The following STAU2 variants were observed in gnomAD, a reference collection of about 807,000 sequenced individuals.
STAU2 encodes staufen double-stranded RNA binding protein 2.
Under a neutral mutation model 65.9 loss-of-function variants are expected in STAU2, and 20 were observed. The ratio of observed to expected loss-of-function variants is 0.30; its 90% CI spans 0.21 to 0.44. The LOEUF is 0.44. STAU2 is among the 20% of genes least tolerant of loss of function. STAU2 has a pLI of 1.00. For missense variants in STAU2, 558 were observed against 683.9 expected (o/e 0.82, Z 2.05); for synonymous variants, 232 against 233.9 (o/e 0.99, Z 0.07).
At chr8:73,550,450 A>G in intron 13 of STAU2, 1 of 985,724 alleles carries the variant, frequency 1.0e-6, no homozygotes, top group Non-Finnish European at 1.2e-6. Flanking sequence ...CAAAAAATCA[A>G]TTCAGAGCTT....
chr8:73,647,732 C>A (rs1815499084), intron 6 of STAU2, among the ~76,000 whole-genome samples: 1 of 152,028 alleles, frequency 6.6e-6, no homozygotes, highest in Non-Finnish European at 1.5e-5. Context: ...ACATGTACCA[C>A]CATGTCTGGC....
At chr8:73,623,508 G>A (rs888692094) in intron 6 of STAU2, among the ~76,000 whole-genome samples, 9 of 152,032 alleles carry the variant, frequency 5.9e-5, no homozygotes, top group East Asian at 1.9e-4. Context: ...GCTATCTTCC[G>A]ATCTAATAAG....
intron 6 of STAU2, 178 bp downstream of exon 6, chr8:73,672,929 A>G: frequency 1.9e-6 from 1 of 522,576 alleles, no homozygotes. Flanking sequence ...GTTCCTGAAA[A>G]CTGGGTTTCT....
At chr8:73,502,603 C>T (rs1042637356) in intron 13 of STAU2, among the ~76,000 whole-genome samples, 7 of 152,010 alleles carry the variant, frequency 4.6e-5, no homozygotes, top group Non-Finnish European at 1.0e-4. Context: ...TTACTAAATG[C>T]GTTTTTTCTC....
rs548011106 is a variant in STAU2, at chr8:73,635,779, C to T, written c.411-18328G>A. 1.9e-4 allele frequency among the ~76,000 whole-genome samples: 29 copies of T among 151,480 alleles called. No homozygotes were observed. The Middle Eastern group carries it at 0.01, about 54-fold the overall frequency. ...GGCAGAGGTTGCAGTGAGCCGAGAC[C>T]GCGCCACTGCACTCCAGCTTGGGCA... On this transcript the variant is annotated intron_variant, in intron 6 of 14. Transcript: ENST00000524300.
At chr8:73,655,264 T>C (rs1586204326) in intron 6 of STAU2, among the ~76,000 whole-genome samples, 1 of 152,350 alleles carries the variant, frequency 6.6e-6, no homozygotes, top group East Asian at 1.9e-4. Flanking sequence ...TTACTGTAAA[T>C]ATTTACATTT....
chr8:73,422,779 T>TAGAAGGAC (rs1563580273), intron 13 of STAU2, 77 bp from the exon 14 acceptor site: 3 of 957,590 alleles, frequency 3.1e-6, no homozygotes, highest in Non-Finnish European at 4.3e-6. Context: ...AAAGCTGAGA[T>TAGAAGGAC]AGAAAGACTC....
At chr8:73,593,344 C>A (rs1330565558) in intron 11 of STAU2, among the ~76,000 whole-genome samples, 2 of 152,218 alleles carry the variant, frequency 1.3e-5, no homozygotes, top group Non-Finnish European at 2.9e-5. Flanking sequence ...CGCATAATAA[C>A]AGTGACCTCA....
rs550363511 is a variant in STAU2, at chr8:73,487,046, T to A, written c.1531-64344A>T. 5.3e-5 allele frequency among the ~76,000 whole-genome samples: 8 copies of A among 152,198 alleles called. No homozygotes were observed. In the East Asian group the frequency reaches 1.2e-3, roughly 22 times the overall value. ...AAAACTATATGTAATATTTCAAAAC[T>A]TCCCTTTCTCACTGGCCATTGAACT... On this transcript the variant is annotated intron_variant, in intron 13 of 14. Coordinates refer to ENST00000524300, the MANE Select transcript of STAU2 (RefSeq NM_001164380.2).
chr8:73,694,014 A>T (rs1383802390), intron 4 of STAU2, among the ~76,000 whole-genome samples: 1 of 152,264 alleles, frequency 6.6e-6, no homozygotes. Flanking sequence ...TGAGAAAAAC[A>T]TATACTGACA....
At chr8:73,679,270 A>T (rs1409401719) in intron 5 of STAU2, among the ~76,000 whole-genome samples, 1 of 152,196 alleles carries the variant, frequency 6.6e-6, no homozygotes, top group African/African-American at 2.4e-5. Context: ...AAAATGATGG[A>T]TATCAGGCAG....
At chr8:73,647,925 T>C (rs142068695) in intron 6 of STAU2, among the ~76,000 whole-genome samples, 5 of 151,976 alleles carry the variant, frequency 3.3e-5, no homozygotes, top group Admixed American at 2.6e-4. Flanking sequence ...TGAATCTACA[T>C]GTGACAAAAT....
intron 1 of STAU2, among the ~76,000 whole-genome samples, chr8:73,745,536 A>G (rs1807210977): frequency 6.6e-6 from 1 of 152,252 alleles, no homozygotes; most frequent in East Asian, 1.9e-4. Flanking sequence ...GATGCATCAG[A>G]AGCCAAGTAA....
At chr8:73,739,998 G>C in intron 1 of STAU2, 130 bp from the exon 2 acceptor site, 4 of 580,284 alleles carry the variant, frequency 6.9e-6, no homozygotes, top group Non-Finnish European at 1.2e-5. Flanking sequence ...GTGCCCTTTG[G>C]AGAGGCCCAT....
intron 12 of STAU2, among the ~76,000 whole-genome samples, chr8:73,571,941 A>G (rs1563430829): frequency 6.6e-6 from 1 of 152,226 alleles, no homozygotes; most frequent in Admixed American, 6.5e-5. Flanking sequence ...ACCCTTCAAA[A>G]AAAATCAATG....
At chr8:73,690,988 T>C (rs2130540234) in intron 4 of STAU2, among the ~76,000 whole-genome samples, 2 of 152,278 alleles carry the variant, frequency 1.3e-5, no homozygotes, top group South Asian at 4.1e-4. Context: ...AGTTCAAAGG[T>C]TTCACATGAT....
At chr8:73,424,062 C>A (rs1434304697) in intron 13 of STAU2, among the ~76,000 whole-genome samples, 1 of 150,940 alleles carries the variant, frequency 6.6e-6, no homozygotes. Flanking sequence ...CCTCCCCCCA[C>A]CCCCACCAGC....
At chr8:73,511,366 G>A (rs1049126578) in intron 13 of STAU2, 3 of 152,742 alleles carry the variant, frequency 2.0e-5, no homozygotes, top group African/African-American at 7.2e-5. Flanking sequence ...GTATTTACTA[G>A]TGGAAACCTT....
In STAU2 at chr8:73,595,261, G is replaced by A; in HGVS notation, c.1066C>T (p.Pro356Ser). Residue 356 changes from proline (P) to serine (S), a missense_variant, in exon 11 of 15, where the codon CCT becomes TCT. By Grantham distance (74) the Pro-to-Ser change is moderately conservative. Transcript: ENST00000524300. ...VGNEVATGTG[P>S]NKKIAKKNAA... is the part of the protein sequence containing the mutation. ...TTTTTTTTGGCTATCTTTTTATTAG[G>A]TCCTGTTCCTGTAGCAACTTCATTG... The A allele has an allele frequency of 3.7e-6, 6 of 1,610,610 alleles. No individual in the cohort carries two copies. The Middle Eastern group carries it at 8.3e-4, about 222-fold the overall frequency.
Sources: allele counts gnomAD v4.1 joint callset (sites outside exome capture counted in the v4.1 genomes callset), GRCh38; gene constraint gnomAD v4.1.1; transcripts MANE v1.5; gene names NCBI Gene and HGNC (gene_info 2026-07-23, HGNC 2026-07-21).